Variants in NRG1 observed in about 807,000 individuals in gnomAD.
NRG1 encodes the protein neuregulin 1.
In NRG1, 18 loss-of-function variants were observed where a neutral mutation model predicts 63.8. The ratio of observed to expected loss-of-function variants is 0.28; its 90% confidence interval spans 0.19 to 0.42. The LOEUF (loss-of-function observed/expected upper bound fraction) is 0.42. NRG1 is among the 10% of genes least tolerant of loss of function. NRG1 has a pLI of 1.00. For missense variants in NRG1, 762 were observed against 814.7 expected, an observed-to-expected ratio of 0.94 and a Z score of 0.79; for synonymous variants, 302 against 301.3, an observed-to-expected ratio of 1.00 and a Z score of -0.02.
intron 1 of NRG1, among the ~76,000 whole-genome samples, chr8:31,916,171 A>G (rs1486506905): frequency 1.3e-5 from 2 of 152,310 alleles, no homozygotes; most frequent in African/African-American, 4.8e-5. Flanking sequence ...GGAAAATTAT[A>G]TAATAGGCTT....
At chr8:32,293,774 C>A (rs1854511580) in intron 1 of NRG1, among the ~76,000 whole-genome samples, 1 of 132,064 alleles carries the variant, frequency 7.6e-6, no homozygotes, top group Admixed American at 8.7e-5. Context: ...GGCTGGAGAG[C>A]AATGGTGCTA....
At chr8:32,531,786 G>T (rs1231051394) in intron 1 of NRG1, among the ~76,000 whole-genome samples, 1 of 152,016 alleles carries the variant, frequency 6.6e-6, no homozygotes, top group East Asian at 1.9e-4. Flanking sequence ...TACCTCATAG[G>T]GTTATCGTGA....
chr8:32,362,415 A>C (rs575437560), intron 1 of NRG1, among the ~76,000 whole-genome samples: 1 of 152,370 alleles, frequency 6.6e-6, no homozygotes, highest in East Asian at 1.9e-4. Context: ...TTGTGGAGAA[A>C]AGAGCTATTT....
chr8:31,704,409 C>G (rs1303819844), intron 1 of NRG1, among the ~76,000 whole-genome samples: 1 of 152,094 alleles, frequency 6.6e-6, no homozygotes, highest in Non-Finnish European at 1.5e-5. Flanking sequence ...ACTATTTGTC[C>G]TTGTATTAAA....
At chr8:32,558,117 A>G (rs1387621278) in intron 1 of NRG1, among the ~76,000 whole-genome samples, 1 of 152,220 alleles carries the variant, frequency 6.6e-6, no homozygotes, top group Admixed American at 6.5e-5. Flanking sequence ...TCCAGGAATC[A>G]ACAGAAGCTA....
At chr8:31,700,553 A>C (rs565307343) in intron 1 of NRG1, among the ~76,000 whole-genome samples, 4 of 152,130 alleles carry the variant, frequency 2.6e-5, no homozygotes, top group African/African-American at 4.8e-5. Context: ...CTAGATATTG[A>C]GGCATCTTAA....
chr8:32,338,887 G>A (rs995737778), intron 1 of NRG1, among the ~76,000 whole-genome samples: 22 of 151,986 alleles, frequency 1.4e-4, no homozygotes, highest in Non-Finnish European at 7.4e-5. Context: ...TGTTACATCT[G>A]GCTTTAAGTC....
chr8:31,988,267 T>C (rs1239089380), intron 1 of NRG1, among the ~76,000 whole-genome samples: 1 of 152,144 alleles, frequency 6.6e-6, no homozygotes, highest in East Asian at 1.9e-4. Context: ...GGTTAATTGA[T>C]TGACACTTAA....
chr8:32,420,706 T>C (rs1388301229), intron 1 of NRG1, among the ~76,000 whole-genome samples: 1 of 152,206 alleles, frequency 6.6e-6, no homozygotes. Flanking sequence ...TGTCAGGTTT[T>C]AATCCAAATA....
chr8:32,392,942 C>A (rs1196089618), intron 1 of NRG1, among the ~76,000 whole-genome samples: 3 of 152,070 alleles, frequency 2.0e-5, no homozygotes, highest in African/African-American at 7.2e-5. Flanking sequence ...GTAACTGCTC[C>A]CATTATGCCA....
At chr8:32,453,624 G>A (rs1200653424) in intron 1 of NRG1, among the ~76,000 whole-genome samples, 1 of 152,146 alleles carries the variant, frequency 6.6e-6, no homozygotes, top group East Asian at 1.9e-4. Context: ...AGGACCATAT[G>A]GCTCAGAGGC....
chr8:32,488,964 C>G (rs1388127240), intron 1 of NRG1, among the ~76,000 whole-genome samples: 1 of 152,086 alleles, frequency 6.6e-6, no homozygotes. Flanking sequence ...GAGACTGAAG[C>G]AAGTTTTAGA....
At chr8:32,261,514 C>G (rs949719655) in intron 1 of NRG1, among the ~76,000 whole-genome samples, 4 of 152,038 alleles carry the variant, frequency 2.6e-5, no homozygotes, top group African/African-American at 7.2e-5. Flanking sequence ...TGAATTAGTA[C>G]AAATATTAAA....
chr8:32,048,948 A>C (rs1053524443), intron 1 of NRG1, among the ~76,000 whole-genome samples: 3 of 152,022 alleles, frequency 2.0e-5, no homozygotes, highest in African/African-American at 4.8e-5. Flanking sequence ...AGGGAGGCCA[A>C]ATGGAAAGCC....
chr8:31,846,325 T>A (rs1826683114), intron 1 of NRG1, among the ~76,000 whole-genome samples: 1 of 152,258 alleles, frequency 6.6e-6, no homozygotes, highest in Admixed American at 6.5e-5. Context: ...ATTTCTTTTA[T>A]GCCTAAATTC....
intron 1 of NRG1, among the ~76,000 whole-genome samples, chr8:31,836,219 C>G (rs1825676471): frequency 6.6e-6 from 1 of 152,072 alleles, no homozygotes; most frequent in Admixed American, 6.5e-5. Flanking sequence ...TTACTTTGAA[C>G]TTTAGTATTT....
At chr8:31,760,643 A>G (rs1229583622) in intron 1 of NRG1, among the ~76,000 whole-genome samples, 3 of 152,240 alleles carry the variant, frequency 2.0e-5, no homozygotes, top group African/African-American at 7.2e-5. Context: ...TGGGCAAAGG[A>G]TATGAACAGG....
At chr8:32,721,891 T>C in intron 5 of NRG1, 1 of 1,436,712 alleles carries the variant, frequency 7.0e-7, no homozygotes, top group East Asian at 2.7e-5. Flanking sequence ...TAAGCATTTT[T>C]TTCCCCAGTA....
intron 1 of NRG1, among the ~76,000 whole-genome samples, chr8:31,853,512 C>T (rs997256439): frequency 1.3e-5 from 2 of 150,354 alleles, no homozygotes; most frequent in Admixed American, 1.3e-4. Context: ...AGATTTTGGG[C>T]TGAGACGATG....
Sources: gnomAD v4.1 joint callset for allele counts (sites outside exome capture counted in the v4.1 genomes callset) on GRCh38, gnomAD v4.1.1 for gene constraint, MANE v1.5 for transcripts, NCBI Gene and HGNC (gene_info 2026-07-23, HGNC 2026-07-21) for gene names.